The following IGFL2 variants were observed in gnomAD, a reference collection of about 807,000 sequenced individuals.
IGFL2 encodes insulin growth factor-like family member 2.
Under a neutral mutation model 13.9 loss-of-function variants are expected in IGFL2, and 7 were observed. That is an observed-to-expected ratio of 0.51 (90% CI 0.29 to 0.95). The LOEUF is 0.95. IGFL2 is among the 40% of genes least tolerant of loss of function. The pLI is 0.08. For synonymous variants in IGFL2, 55 were observed against 55.8 expected (o/e 0.99, Z 0.07); for missense variants, 138 against 147.8 (o/e 0.93, Z 0.34).
the IGFL2 span, among the ~76,000 whole-genome samples, chr19:46,118,318 G>C: frequency 6.6e-6 from 1 of 152,124 alleles, no homozygotes; most frequent in Non-Finnish European, 1.5e-5. Context: ...CAAACAAATG[G>C]TCTAGGAGAG....
chr19:46,120,769 T>TA, the IGFL2 span, among the ~76,000 whole-genome samples: 4 of 150,746 alleles, frequency 2.7e-5, 1 homozygote, highest in Non-Finnish European at 1.5e-5. Flanking sequence ...ATGCATATAG[T>TA]AAAAAAATGT....
chr19:46,168,568 C>G, the IGFL2 span, among the ~76,000 whole-genome samples: 9 of 152,268 alleles, frequency 5.9e-5, no homozygotes, highest in South Asian at 1.9e-3. Flanking sequence ...TAACCCACAC[C>G]CTATAACTTA....
chr19:46,144,437 A>G (rs1251040277), upstream of IGFL2, among the ~76,000 whole-genome samples: 5 of 152,128 alleles, frequency 3.3e-5, no homozygotes, highest in African/African-American at 1.2e-4. Context: ...GGCATACATC[A>G]TTGGTTGATA....
At position 46,148,805 on chromosome 19, in the gene IGFL2, A is replaced by G. The variant is rs1307804563; in HGVS notation, c.19+508A>G. On this transcript the variant is annotated intron_variant, in intron 1 of 3. Coordinates refer to ENST00000377693, the MANE Select transcript of IGFL2 (RefSeq NM_001135113.2). Reference sequence around the variant, plus strand: ...GCTCCCAGAGGTCCCCTGCCAGCTCATCAGCTCTGACTCTTCCAGATATTG... The same window carrying G: ...GCTCCCAGAGGTCCCCTGCCAGCTCGTCAGCTCTGACTCTTCCAGATATTG... The G allele has an allele frequency of 4.8e-6, 7 of 1,443,514 alleles. No individual in the cohort carries two copies. The Admixed American group carries it at 1.3e-4, about 26-fold the overall frequency. 89.4% of individuals were successfully genotyped at this position (1,443,514 alleles called of 1,614,324 possible).
the IGFL2 span, among the ~76,000 whole-genome samples, chr19:46,131,010 A>G: frequency 6.6e-6 from 1 of 152,098 alleles, no homozygotes; most frequent in African/African-American, 2.4e-5. Flanking sequence ...GGCCATCTCC[A>G]ACTTAAAGTT....
the IGFL2 span, among the ~76,000 whole-genome samples, chr19:46,081,709 C>T: frequency 6.6e-6 from 1 of 152,200 alleles, no homozygotes; most frequent in South Asian, 2.1e-4. Flanking sequence ...GATACCATAC[C>T]TCAGAGACTC....
intron 1 of IGFL2, among the ~76,000 whole-genome samples, chr19:46,152,497 T>A (rs1433942705): frequency 2.0e-5 from 3 of 152,194 alleles, no homozygotes; most frequent in African/African-American, 7.2e-5. Context: ...TTGACCAAGC[T>A]GGTTTCAAAC....
the IGFL2 span, among the ~76,000 whole-genome samples, chr19:46,215,106 A>G: frequency 6.6e-6 from 1 of 152,124 alleles, no homozygotes; most frequent in East Asian, 1.9e-4. Flanking sequence ...CAGAACAGAC[A>G]CCCTCCTAGG....
intron 1 of IGFL2, among the ~76,000 whole-genome samples, chr19:46,151,243 G>C (rs1973469800): frequency 6.6e-6 from 1 of 152,160 alleles, no homozygotes. Flanking sequence ...ATTTAGGTCT[G>C]TGATACATTT....
chr19:46,094,503 CTT>C, the IGFL2 span, among the ~76,000 whole-genome samples: 1 of 146,690 alleles, frequency 6.8e-6, no homozygotes, highest in African/African-American at 2.5e-5. Context: ...TTTTCTTTTT[CTT>C]TTTTTTTTGT....
chr19:46,145,485 G>A (rs1973073791), upstream of IGFL2, among the ~76,000 whole-genome samples: 1 of 151,890 alleles, frequency 6.6e-6, no homozygotes, highest in Admixed American at 6.6e-5. Context: ...CCACTCACCA[G>A]ATTAAAGCCC....
chr19:46,153,124 G>GT (rs528929701), intron 1 of IGFL2, among the ~76,000 whole-genome samples: 1 of 152,132 alleles, frequency 6.6e-6, no homozygotes, highest in African/African-American at 2.4e-5. Flanking sequence ...TTGGTCTGTA[G>GT]TTTTTTTTCC....
chr19:46,080,372 T>A, the IGFL2 span, among the ~76,000 whole-genome samples: 1 of 151,880 alleles, frequency 6.6e-6, no homozygotes, highest in Non-Finnish European at 1.5e-5. Flanking sequence ...CTTAGGGAGA[T>A]CCCATCTCTA....
chr19:46,213,330 G>A, the IGFL2 span: 1 of 152,316 alleles, frequency 6.6e-6, no homozygotes, highest in Non-Finnish European at 1.5e-5. Context: ...ACTGCCCAGC[G>A]ACCCAGCCTG....
At chr19:46,084,661 A>T in the IGFL2 span, among the ~76,000 whole-genome samples, 5 of 152,150 alleles carry the variant, frequency 3.3e-5, no homozygotes, top group African/African-American at 1.2e-4. Context: ...CTAGAGAGAG[A>T]GTGTGTGTGG....
At chr19:46,102,783 A>C in the IGFL2 span, among the ~76,000 whole-genome samples, 5 of 152,208 alleles carry the variant, frequency 3.3e-5, no homozygotes, top group Non-Finnish European at 7.3e-5. Context: ...AATAAGAAAA[A>C]TAGAACAAAA....
At chr19:46,144,944 G>A (rs905708337), upstream of IGFL2, among the ~76,000 whole-genome samples, 1 of 152,154 alleles carries the variant, frequency 6.6e-6, no homozygotes, top group African/African-American at 2.4e-5. Flanking sequence ...CCAAGTCATG[G>A]TGTATGTAAA....
the IGFL2 span, among the ~76,000 whole-genome samples, chr19:46,103,399 G>A: frequency 6.6e-6 from 1 of 152,148 alleles, no homozygotes; most frequent in Non-Finnish European, 1.5e-5. Flanking sequence ...AGGTAGCTGG[G>A]GAGAGGTAGA....
chr19:46,176,009 ATTTTTTTTTTT>A, the IGFL2 span, among the ~76,000 whole-genome samples: 6 of 71,896 alleles, frequency 8.3e-5, no homozygotes, highest in Admixed American at 3.7e-4. Context: ...CGCCCGACTA[ATTTTTTTTTTT>A]TTTTTTTTTT....
Sources: allele counts gnomAD v4.1 joint callset (sites outside exome capture counted in the v4.1 genomes callset), GRCh38; gene constraint gnomAD v4.1.1; transcripts MANE v1.5; gene names NCBI Gene and HGNC (gene_info 2026-07-23, HGNC 2026-07-21).